SDK2: variants seen among roughly 807,000 people sequenced by gnomAD.
SDK2 encodes protein sidekick-2.
A neutral mutation model predicts 253.9 loss-of-function variants in SDK2; 105 were observed. The observed-to-expected ratio is 0.41, with a 90% CI of 0.35 to 0.49. The LOEUF (loss-of-function observed/expected upper bound fraction) is 0.49. SDK2 is among the 20% of genes least tolerant of loss of function. SDK2 has a pLI of 0.06. For synonymous variants in SDK2, 1,249 were observed against 1,234.9 expected (o/e 1.01, Z -0.24); for missense variants, 2,608 against 3,003.0 (o/e 0.87, Z 3.07).
In SDK2 at chr17:73,390,269, G is replaced by A; in HGVS notation, c.4192+18C>T. On this transcript the variant is annotated intron_variant, in intron 29 of 44. Coordinates refer to ENST00000392650, the MANE Select transcript of SDK2 (RefSeq NM_001144952.2). ...CTCAGCTGCCCCCAAGCCTTCCCTG[G>A]CCCCCGTGGGCAGTCACCTCTCTTC... 6.5e-7 allele frequency: 1 copy of A among 1,542,452 alleles called. No individual in the cohort carries two copies. The highest frequency in any genetic ancestry group is 8.7e-7 in the Non-Finnish European group (1 of 1,148,140).
At chr17:73,350,858 T>C in intron 41 of SDK2, 68 bp from the exon 42 acceptor site, 1 of 1,506,788 alleles carries the variant, frequency 6.6e-7, no homozygotes, top group Non-Finnish European at 8.9e-7. Flanking sequence ...CCTGCTCCAG[T>C]TGGGACCCTA....
At chr17:73,525,758 C>G (rs545466755) in intron 1 of SDK2, among the ~76,000 whole-genome samples, 12 of 152,270 alleles carry the variant, frequency 7.9e-5, no homozygotes, top group African/African-American at 1.2e-4. Flanking sequence ...AAGGCTCCCC[C>G]CTACCTTGCC....
chr17:73,559,598 G>GGC (rs2045197420), intron 1 of SDK2, among the ~76,000 whole-genome samples: 5 of 122,184 alleles, frequency 4.1e-5, no homozygotes, highest in Admixed American at 7.9e-5. Context: ...CGCTCCCTGT[G>GGC]CCCCCCGCCC....
chr17:73,563,777 ATT>A (rs59296594), intron 1 of SDK2, among the ~76,000 whole-genome samples: 1 of 144,624 alleles, frequency 6.9e-6, no homozygotes, highest in Non-Finnish European at 1.5e-5. Context: ...TCTCTCACTG[ATT>A]TTTTTTTTTT....
In SDK2 at chr17:73,379,637, G is replaced by GTGCCTCATTCCTCCCCCTGCA; in HGVS notation, c.4763-89_4763-88insTGCAGGGGGAGGAATGAGGCA. ...CCCAGGGAGGGTGGAGGCTGCAGGG[G>GTGCCTCATTCCTCCCCCTGCA]GAGGAATGAGGCACCCCCGCCATTC... On this transcript the variant is annotated intron_variant, in intron 34 of 44. Coordinates refer to ENST00000392650, the MANE Select transcript of SDK2 (RefSeq NM_001144952.2). The surrounding 1 kb of genome is among the most constrained non-coding windows in gnomAD (Gnocchi z 4.5). The GTGCCTCATTCCTCCCCCTGCA allele has an allele frequency of 1.3e-6, 1 of 744,706 alleles. No homozygotes were observed. Among genetic ancestry groups the GTGCCTCATTCCTCCCCCTGCA allele is most frequent in the Non-Finnish European group, 2.3e-6 (1 of 443,644 alleles). 46.1% of individuals were successfully genotyped at this position (744,706 alleles called of 1,614,324 possible). A position where few individuals can be genotyped will look rare whatever the true frequency, so the allele number is the denominator to read the frequency against.
At chr17:73,540,070 C>T (rs761449145) in intron 1 of SDK2, among the ~76,000 whole-genome samples, 18 of 150,872 alleles carry the variant, frequency 1.2e-4, no homozygotes, top group African/African-American at 2.7e-4. Flanking sequence ...CCAACAGAGA[C>T]GGGGTCATGC....
chr17:73,347,767 T>C (rs1331447086), intron 44 of SDK2, among the ~76,000 whole-genome samples: 1 of 124,576 alleles, frequency 8.0e-6, no homozygotes, highest in Non-Finnish European at 1.8e-5. Flanking sequence ...ATGGTTGGAA[T>C]ACACACAGCC....
In SDK2 at chr17:73,616,041, A is replaced by G. The variant is rs192172412; in HGVS notation, c.64+27984T>C. Among the ~76,000 whole-genome samples the G allele has an allele frequency of 2.6e-3, 393 of 152,248 alleles. No individual in the cohort carries two copies. The highest frequency in any genetic ancestry group is 9.1e-3 in the African/African-American group (376 of 41,524). ...CATATGCATATACACATGAACACAC[A>G]TACACACACGTACACACACATACAT... On this transcript the variant is annotated intron_variant, in intron 1 of 44. Coordinates refer to ENST00000392650, the MANE Select transcript of SDK2 (RefSeq NM_001144952.2). This position sits in a 1 kb window ranked among gnomAD's most constrained non-coding sequence, Gnocchi z 5.2.
chr17:73,597,684 C>T (rs145643373), intron 1 of SDK2, among the ~76,000 whole-genome samples: 17,166 of 149,320 alleles, frequency 0.11, 1,061 homozygotes, highest in South Asian at 0.19. Flanking sequence ...CTCGCTCTGT[C>T]GCCCAGGCTG....
At chr17:73,600,643 C>A (rs932506787) in intron 1 of SDK2, among the ~76,000 whole-genome samples, 1 of 152,206 alleles carries the variant, frequency 6.6e-6, no homozygotes, top group Non-Finnish European at 1.5e-5. Flanking sequence ...TCCTGCTCTG[C>A]GACAGGGTGT....
intron 1 of SDK2, among the ~76,000 whole-genome samples, chr17:73,567,470 G>C (rs1252976815): frequency 2.6e-5 from 4 of 152,262 alleles, no homozygotes; most frequent in Non-Finnish European, 5.9e-5. Context: ...GCTCCCACAG[G>C]GTCCTCACCG....
chr17:73,465,834 A>G lies in SDK2; in HGVS notation c.331+6278T>C, dbSNP rs2063593004. ...AACTGGCTGCTTAGGGCCCCAGGAC[A>G]AGCCCTTGTCACCCCAGGAGACAGG... On this transcript the variant is annotated intron_variant, in intron 3 of 44. Coordinates refer to ENST00000392650, the MANE Select transcript of SDK2 (RefSeq NM_001144952.2). This position sits in a 1 kb window ranked among gnomAD's most constrained non-coding sequence, Gnocchi z 4.2. Among the ~76,000 whole-genome samples, 1 of 152,176 alleles carries G rather than the reference A, an allele frequency of 6.6e-6. No homozygotes were observed. Among genetic ancestry groups the G allele is most frequent in the Non-Finnish European group, 1.5e-5 (1 of 68,026 alleles).
chr17:73,469,992 G>GCACACA lies in SDK2; in HGVS notation c.331+2114_331+2119dup, dbSNP rs34448667. Among the ~76,000 whole-genome samples, 1,246 of 126,224 alleles carry GCACACA rather than the reference G, an allele frequency of 9.9e-3. 8 individuals are homozygous for GCACACA. Among genetic ancestry groups the GCACACA allele is most frequent in the African/African-American group, 0.012 (386 of 32,300 alleles). 82.8% of individuals were successfully genotyped at this position (126,224 alleles called of 152,430 possible). On this transcript the variant is annotated intron_variant, in intron 3 of 44. Coordinates refer to ENST00000392650, the MANE Select transcript of SDK2 (RefSeq NM_001144952.2). ...ATGGCATTTGCGACTGCGCGCGCGC[G>GCACACA]CACACACACACACACACACACACAC...
rs552506755 is a variant in SDK2 at position 73,511,318 on chromosome 17, G to C, written c.65-3721C>G. 1.1e-4 allele frequency among the ~76,000 whole-genome samples: 17 copies of C among 152,336 alleles called. No individual in the cohort carries two copies. The highest frequency in any genetic ancestry group is 3.8e-4 in the African/African-American group (16 of 41,576). The stretch of plus-strand genomic sequence containing the variant: ...GGCTGGGCAGTGTGTGTATCTGCAT[G>C]CACACATGTGCATATGTGTGAGCAC... On this transcript the variant is annotated intron_variant, in intron 1 of 44. Coordinates refer to ENST00000392650, the MANE Select transcript of SDK2 (RefSeq NM_001144952.2). This position sits in a 1 kb window ranked among gnomAD's most constrained non-coding sequence, Gnocchi z 4.9.
rs530025000 is a variant in SDK2, at chr17:73,583,354, C to T, written c.64+60671G>A. Among the ~76,000 whole-genome samples the T allele has an allele frequency of 1.9e-4, 29 of 152,284 alleles. No homozygotes were observed. The East Asian group carries it at 3.1e-3, about 16-fold the overall frequency. On this transcript the variant is annotated intron_variant, in intron 1 of 44. Transcript: ENST00000392650. ...CCTGACTCCTGTAGACTCTAACCTC[C>T]CATCTTCTCTCCCACTCGGGTGAGC...
chr17:73,565,942 G>C (rs1433829377), intron 1 of SDK2, among the ~76,000 whole-genome samples: 1 of 152,230 alleles, frequency 6.6e-6, no homozygotes, highest in Non-Finnish European at 1.5e-5. Flanking sequence ...TCCTGCCTCA[G>C]CCTCCTGAGT....
At position 73,361,942 on chromosome 17, in the gene SDK2, A is replaced by G. The variant is rs2062645127; in HGVS notation, c.5306-97T>C. 1 of 1,261,224 alleles carries G rather than the reference A, an allele frequency of 7.9e-7. No individual in the cohort carries two copies. Among genetic ancestry groups the G allele is most frequent in the Non-Finnish European group, 1.1e-6 (1 of 927,424 alleles). 78.1% of individuals were successfully genotyped at this position (1,261,224 alleles called of 1,614,324 possible). A position where few individuals can be genotyped will look rare whatever the true frequency, so the allele number is the denominator to read the frequency against. The stretch of plus-strand genomic sequence containing the variant: ...AAGCGGCCGTGGCCTGGGCCCCGGG[A>G]CCCTGGGTAGGGGCCTCACTCCTTG... On this transcript the variant is annotated intron_variant, in intron 38 of 44. Coordinates refer to ENST00000392650, the MANE Select transcript of SDK2 (RefSeq NM_001144952.2). The surrounding 1 kb of genome is among the most constrained non-coding windows in gnomAD (Gnocchi z 4.1).
In SDK2 at chr17:73,602,031, G is replaced by A. The variant is rs144024541; in HGVS notation, c.64+41994C>T. The stretch of plus-strand genomic sequence containing the variant: ...AGTGCTGGGATTACAGGCGTGAGCC[G>A]CCGCGCCCAGCCCAGAACTGTGTTT... On this transcript the variant is annotated intron_variant, in intron 1 of 44. Coordinates refer to ENST00000392650, the MANE Select transcript of SDK2 (RefSeq NM_001144952.2). Among the ~76,000 whole-genome samples, 1,073 of 152,274 alleles carry A rather than the reference G, an allele frequency of 7.0e-3. 19 individuals carry two copies. Among genetic ancestry groups the A allele is most frequent in the African/African-American group, 0.025 (1,041 of 41,558 alleles).
At chr17:73,604,998 G>A (rs892537109) in intron 1 of SDK2, among the ~76,000 whole-genome samples, 2 of 152,216 alleles carry the variant, frequency 1.3e-5, no homozygotes, top group African/African-American at 4.8e-5. Context: ...CCAGAAGGCT[G>A]CAGTGTTCCT....
Sources: allele counts gnomAD v4.1 joint callset (sites outside exome capture counted in the v4.1 genomes callset), GRCh38; gene constraint gnomAD v4.1.1; non-coding constraint Gnocchi (gnomAD v3.1); transcripts MANE v1.5; gene names NCBI Gene and HGNC (gene_info 2026-07-23, HGNC 2026-07-21).